Variants in HYCC1 observed in about 807,000 individuals in gnomAD.
The protein encoded by HYCC1 is hyccin.
At chr7:22,985,383 T>C in the HYCC1 span, among the ~76,000 whole-genome samples, 1 of 152,174 alleles carries the variant, frequency 6.6e-6, no homozygotes, top group African/African-American at 2.4e-5. Flanking sequence ...CAGGCCCTCA[T>C]ACGCAAATCT....
chr7:22,955,534 G>C, the HYCC1 span, among the ~76,000 whole-genome samples: 1 of 151,536 alleles, frequency 6.6e-6, no homozygotes, highest in Non-Finnish European at 1.5e-5. Flanking sequence ...ACTTAATTAG[G>C]GGACTTTTAT....
the HYCC1 span, among the ~76,000 whole-genome samples, chr7:22,978,649 G>A: frequency 6.6e-6 from 1 of 152,016 alleles, no homozygotes; most frequent in African/African-American, 2.4e-5. Flanking sequence ...ATTGACTATG[G>A]GGTTGAAGAA....
chr7:22,998,052 C>G, the HYCC1 span, among the ~76,000 whole-genome samples: 3 of 152,170 alleles, frequency 2.0e-5, no homozygotes, highest in Admixed American at 1.3e-4. Context: ...CTCAGATCCT[C>G]CATGACTTCA....
chr7:22,935,382 A>G, the HYCC1 span: 1 of 152,104 alleles, frequency 6.6e-6, no homozygotes, highest in Non-Finnish European at 1.5e-5. Flanking sequence ...GATGGTTTGA[A>G]TCCGTGCTGA....
the HYCC1 span, among the ~76,000 whole-genome samples, chr7:22,951,769 A>T: frequency 4.6e-5 from 7 of 151,948 alleles, no homozygotes; most frequent in Non-Finnish European, 7.4e-5. Context: ...GATATCATGT[A>T]GCCATTAAAA....
the HYCC1 span, among the ~76,000 whole-genome samples, chr7:22,959,940 T>C: frequency 6.6e-6 from 1 of 152,220 alleles, no homozygotes; most frequent in South Asian, 2.1e-4. Context: ...TAAGGAACAT[T>C]TGCAAATACT....
chr7:22,903,022 C>T, the HYCC1 span, among the ~76,000 whole-genome samples: 956 of 152,046 alleles, frequency 6.3e-3, 13 homozygotes, highest in African/African-American at 0.022. Flanking sequence ...AGTAAGATAC[C>T]ACCTCACACA....
chr7:22,908,664 TTA>T, the HYCC1 span, among the ~76,000 whole-genome samples: 1 of 152,208 alleles, frequency 6.6e-6, no homozygotes, highest in African/African-American at 2.4e-5. Context: ...ACTGGACTCC[TTA>T]TACCTTGTGT....
At chr7:22,907,103 T>TAAAAA in the HYCC1 span, among the ~76,000 whole-genome samples, 1 of 27,238 alleles carries the variant, frequency 3.7e-5, no homozygotes, top group Non-Finnish European at 7.0e-5. Context: ...AGACTCTATC[T>TAAAAA]CAAAAAAAAA....
the HYCC1 span, among the ~76,000 whole-genome samples, chr7:22,986,412 C>A: frequency 6.6e-6 from 1 of 152,280 alleles, no homozygotes; most frequent in East Asian, 1.9e-4. Flanking sequence ...ACTATTATAG[C>A]AAAAACATTT....
the HYCC1 span, among the ~76,000 whole-genome samples, chr7:22,934,054 C>T: frequency 3.3e-5 from 5 of 152,080 alleles, no homozygotes; most frequent in African/African-American, 1.2e-4. Flanking sequence ...GTTTGTATCT[C>T]TACAGAGTTC....
chr7:22,902,667 GA>G, the HYCC1 span, among the ~76,000 whole-genome samples: 1 of 151,826 alleles, frequency 6.6e-6, no homozygotes, highest in African/African-American at 2.4e-5. Flanking sequence ...AAATTCAATG[GA>G]AAAAAATATT....
chr7:22,936,485 C>T, the HYCC1 span: 1 of 152,182 alleles, frequency 6.6e-6, no homozygotes, highest in African/African-American at 2.4e-5. Context: ...TCATCTTGAC[C>T]ATCTGATTAT....
chr7:22,927,087 A>G, the HYCC1 span, among the ~76,000 whole-genome samples: 10 of 152,286 alleles, frequency 6.6e-5, no homozygotes, highest in East Asian at 1.9e-4. Flanking sequence ...TGACTACTGG[A>G]TACATAACGA....
the HYCC1 span, among the ~76,000 whole-genome samples, chr7:22,947,567 G>A: frequency 1.8e-4 from 27 of 152,046 alleles, no homozygotes; most frequent in Admixed American, 5.2e-4. Flanking sequence ...TTTTTAAATT[G>A]TTCTTTTTGT....
At chr7:22,927,031 C>A in the HYCC1 span, among the ~76,000 whole-genome samples, 4 of 152,206 alleles carry the variant, frequency 2.6e-5, no homozygotes, top group Non-Finnish European at 5.9e-5. Context: ...AAGAAACTCA[C>A]TCAAAACTGC....
chr7:22,902,931 G>A, the HYCC1 span, among the ~76,000 whole-genome samples: 1 of 152,042 alleles, frequency 6.6e-6, no homozygotes, highest in Non-Finnish European at 1.5e-5. Flanking sequence ...CAGCAGCCAA[G>A]GAAGGTATAC....
At chr7:22,967,859 T>C in the HYCC1 span, among the ~76,000 whole-genome samples, 1 of 152,210 alleles carries the variant, frequency 6.6e-6, no homozygotes, top group Non-Finnish European at 1.5e-5. Context: ...ATAGGAACAC[T>C]GGAATATACT....
the HYCC1 span, among the ~76,000 whole-genome samples, chr7:23,006,488 C>T: frequency 2.7e-3 from 404 of 152,126 alleles, 4 homozygotes; most frequent in African/African-American, 9.3e-3. Context: ...AGGATGGTCT[C>T]GATCTCTTGA....
Sources: allele counts gnomAD v4.1 joint callset (sites outside exome capture counted in the v4.1 genomes callset), GRCh38; gene constraint gnomAD v4.1.1; transcripts MANE v1.5; gene names NCBI Gene and HGNC (gene_info 2026-07-23, HGNC 2026-07-21).